SRGAP3: variants seen among roughly 807,000 people sequenced by gnomAD.
SRGAP3 encodes SLIT-ROBO Rho GTPase-activating protein 3.
Under a neutral mutation model 121.1 loss-of-function variants are expected in SRGAP3, and 39 were observed. The ratio of observed to expected loss-of-function variants is 0.32; its 90% CI spans 0.25 to 0.42. The LOEUF (loss-of-function observed/expected upper bound fraction) is 0.42. SRGAP3 is among the 10% of genes least tolerant of loss of function. The pLI is 1.00. For synonymous variants in SRGAP3, 601 were observed against 570.0 expected, an observed-to-expected ratio of 1.05 and a Z score of -0.77; for missense variants, 1,213 against 1,470.6, an observed-to-expected ratio of 0.82 and a Z score of 2.86.
chr3:9,258,950 C>T (rs1428006984), intron 3 of SRGAP3, among the ~76,000 whole-genome samples: 1 of 152,228 alleles, frequency 6.6e-6, no homozygotes, highest in African/African-American at 2.4e-5. Context: ...GCGATGTCCT[C>T]CTCGCACTTA....
At chr3:9,156,500 A>T (rs1489201457) in intron 1 of SRGAP3, among the ~76,000 whole-genome samples, 8 of 152,100 alleles carry the variant, frequency 5.3e-5, no homozygotes, top group African/African-American at 1.9e-4. Flanking sequence ...GTCTACAAGG[A>T]TGTGTTGGTA....
Position 9,134,178 on chromosome 3 carries a change from G to T in SRGAP3, c.68-9261C>A, listed in dbSNP as rs558493054. Among the ~76,000 whole-genome samples, 3 of 152,302 alleles carry T rather than the reference G, an allele frequency of 2.0e-5. No individual in the cohort carries two copies. In the South Asian group the frequency reaches 6.2e-4, roughly 32 times the overall value. ...AGATGGCTTTCCTGGGTTAGTAAGA[G>T]GGGCCAGAGTATGACAGCAAAGAGC... On this transcript the variant is annotated intron_variant, in intron 1 of 21. Transcript: ENST00000383836.
chr3:9,323,279 G>A (rs1372062064), intron 3 of SRGAP3, among the ~76,000 whole-genome samples: 2 of 151,820 alleles, frequency 1.3e-5, no homozygotes, highest in African/African-American at 2.4e-5. Context: ...GTGTATGTGT[G>A]CAATTTTATG....
At chr3:9,061,293 C>T (rs556366463) in intron 5 of SRGAP3, among the ~76,000 whole-genome samples, 3 of 152,306 alleles carry the variant, frequency 2.0e-5, no homozygotes, top group African/African-American at 4.8e-5. Flanking sequence ...AACTGCTGCT[C>T]GCACCTGAGA....
intron 3 of SRGAP3, among the ~76,000 whole-genome samples, chr3:9,302,249 C>T (rs1281665149): frequency 6.6e-6 from 1 of 152,176 alleles, no homozygotes; most frequent in Non-Finnish European, 1.5e-5. Flanking sequence ...CTGGCCTTAG[C>T]AGTGCATACA....
chr3:9,262,534 CA>C (rs765408588), intron 3 of SRGAP3, among the ~76,000 whole-genome samples: 45 of 25,564 alleles, frequency 1.8e-3, no homozygotes, highest in East Asian at 6.5e-3. Context: ...AAATGGAAAG[CA>C]AAAAAAAAAA....
chr3:8,989,611 C>T (rs1271345368), intron 21 of SRGAP3, among the ~76,000 whole-genome samples: 7 of 152,066 alleles, frequency 4.6e-5, no homozygotes, highest in African/African-American at 9.7e-5. Flanking sequence ...GGAGAGGGTA[C>T]ATAATGGGCC....
chr3:9,015,569 C>T, intron 15 of SRGAP3, 28 bp downstream of exon 15: 1 of 1,613,374 alleles, frequency 6.2e-7, no homozygotes, highest in East Asian at 2.2e-5. Context: ...TGTCAAAAAA[C>T]TGATCATTTC....
At chr3:9,006,761 CTTGT>C in intron 18 of SRGAP3, among the ~76,000 whole-genome samples, 1 of 152,208 alleles carries the variant, frequency 6.6e-6, no homozygotes, top group African/African-American at 2.4e-5. Flanking sequence ...ATCTAATAAT[CTTGT>C]TTCTCATTTA....
chr3:9,156,485 G>T (rs2125066718), intron 1 of SRGAP3, among the ~76,000 whole-genome samples: 1 of 152,272 alleles, frequency 6.6e-6, no homozygotes, highest in South Asian at 2.1e-4. Context: ...GCTTAGCCAG[G>T]TACTGTCTAC....
chr3:9,020,904 C>CT (rs1331394434), intron 14 of SRGAP3, among the ~76,000 whole-genome samples: 1 of 152,230 alleles, frequency 6.6e-6, no homozygotes, highest in Non-Finnish European at 1.5e-5. Flanking sequence ...CTGAATTGCC[C>CT]TGCCTGGAGC....
chr3:9,029,601 A>G (rs1171253047), intron 12 of SRGAP3, among the ~76,000 whole-genome samples: 2 of 152,212 alleles, frequency 1.3e-5, no homozygotes, highest in African/African-American at 4.8e-5. Context: ...TGGTTTTTCA[A>G]AGCTGGGGAC....
intron 3 of SRGAP3, among the ~76,000 whole-genome samples, chr3:9,103,576 CTG>C (rs1948299465): frequency 6.6e-6 from 1 of 152,186 alleles, no homozygotes; most frequent in African/African-American, 2.4e-5. Context: ...TTTAAGAATT[CTG>C]GACCCAGAGG....
intron 3 of SRGAP3, among the ~76,000 whole-genome samples, chr3:9,319,310 AG>A (rs915332048): frequency 8.6e-5 from 13 of 151,900 alleles, no homozygotes; most frequent in African/African-American, 2.9e-4. Flanking sequence ...AAAGGGACAG[AG>A]GGAGGCCTGT....
chr3:9,037,461 G>C (rs1944804101), intron 11 of SRGAP3: 1 of 154,612 alleles, frequency 6.5e-6, no homozygotes, highest in Admixed American at 6.3e-5. Flanking sequence ...GCGCAAAAGG[G>C]AATGTTGAAC....
At chr3:9,064,680 G>T (rs1946339801) in intron 4 of SRGAP3, 99 bp from the exon 5 acceptor site, 11 of 1,428,118 alleles carry the variant, frequency 7.7e-6, no homozygotes, top group Middle Eastern at 2.2e-4. Flanking sequence ...ACTCTAGCTG[G>T]CCACTGCCCT....
intron 19 of SRGAP3, among the ~76,000 whole-genome samples, chr3:8,993,409 G>GT (rs1174853466): frequency 6.6e-6 from 1 of 152,250 alleles, no homozygotes; most frequent in Admixed American, 6.5e-5. Context: ...CGAGGGCTGA[G>GT]TGCTGAGTCT....
At chr3:9,248,129 A>G (rs1383660850) in intron 1 of SRGAP3, among the ~76,000 whole-genome samples, 2 of 152,102 alleles carry the variant, frequency 1.3e-5, no homozygotes, top group African/African-American at 4.8e-5. Context: ...TTCTCCTGGA[A>G]CCCCGGAAGC....
At chr3:9,151,699 G>A (rs1950216958) in intron 1 of SRGAP3, among the ~76,000 whole-genome samples, 1 of 152,222 alleles carries the variant, frequency 6.6e-6, no homozygotes. Context: ...TGACTGTGAA[G>A]TTCCCAGCAA....
Sources: allele counts gnomAD v4.1 joint callset (sites outside exome capture counted in the v4.1 genomes callset), GRCh38; gene constraint gnomAD v4.1.1; transcripts MANE v1.5; gene names NCBI Gene and HGNC (gene_info 2026-07-23, HGNC 2026-07-21).